ACE: variants seen among roughly 807,000 people sequenced by gnomAD.
ACE encodes the protein angiotensin I converting enzyme.
In ACE, 122 loss-of-function variants were observed where a neutral mutation model predicts 162.3. The ratio of observed to expected loss-of-function variants is 0.75; its 90% CI spans 0.65 to 0.87. ACE has a LOEUF of 0.87. Among genes scored for constraint, ACE ranks in the 40% least tolerant of loss-of-function variants. ACE has a pLI of 0.00. For synonymous variants in ACE, 796 were observed against 720.6 expected (o/e 1.10, Z -1.68); for missense variants, 1,799 against 1,735.1 (o/e 1.04, Z -0.65).
chr17:63,485,480 A>ATTTATTTTTTTTTTTTTTTTTTTTTTTTT (rs753128404), intron 13 of ACE, 108 bp downstream of exon 13: 1 of 1,508,588 alleles, frequency 6.6e-7, no homozygotes, highest in Admixed American at 1.8e-5. Context: ...TTGAATATTT[A>ATTTATTTTTTTTTTTTTTTTTTTTTTTTT]AAACAATACT....
intron 12 of ACE, 105 bp from the exon 13 acceptor site, chr17:63,485,131 G>GC (rs1385502510): frequency 6.3e-7 from 1 of 1,582,590 alleles, no homozygotes; most frequent in East Asian, 2.3e-5. Context: ...GTAGGGACAG[G>GC]GCAGGGTACA....
At chr17:63,481,332 G>C in intron 6 of ACE, 144 bp downstream of exon 6, 1 of 924,192 alleles carries the variant, frequency 1.1e-6, no homozygotes, top group Non-Finnish European at 1.7e-6. Context: ...GCTGGGGTCG[G>C]CCCCCTCAGT....
chr17:63,497,057 C>T (rs2030796759), intron 24 of ACE, 72 bp downstream of exon 24: 1 of 1,586,596 alleles, frequency 6.3e-7, no homozygotes, highest in African/African-American at 1.3e-5. Context: ...ATGCGGCTGA[C>T]CTCGGAGCCT....
At position 63,497,032 on chromosome 17, in the gene ACE, C is replaced by T. The variant is rs199903972; in HGVS notation, c.3691+47C>T. ...CCAGCCTTGGGTCTTAACCCCCTCC[C>T]CAGGCTGGGCAGCCATGCGGCTGAC... On this transcript the variant is annotated intron_variant, in intron 24 of 24. Coordinates refer to ENST00000290866, the MANE Select transcript of ACE (RefSeq NM_000789.4). 3 of 1,592,668 alleles carry T rather than the reference C, an allele frequency of 1.9e-6. No individual in the cohort carries two copies. In the Admixed American group the frequency reaches 5.2e-5, roughly 28 times the overall value.
Position 63,486,702 on chromosome 17 carries a change from A to G in ACE, c.2204A>G (p.Gln735Arg). 1.2e-6 allele frequency: 2 copies of G among 1,614,202 alleles called. No homozygotes were observed. The highest frequency in any genetic ancestry group is 1.7e-6 in the Non-Finnish European group (2 of 1,180,024). Residue 735 changes from glutamine to arginine, a missense_variant, in exon 14 of 25, where the codon CAG becomes CGG. Gln to Arg is a conservative substitution (Grantham distance 43). Transcript: ENST00000290866. ...QDLERAALPA[Q>R]ELEEYNKILL... ...CTAGAACGGGCAGCACTGCCTGCCCAGGAGCTGGAGGAGGTGTGTGGCTCG... is the reference window on the plus strand; with the variant it reads ...CTAGAACGGGCAGCACTGCCTGCCCGGGAGCTGGAGGAGGTGTGTGGCTCG...
Position 63,491,022 on chromosome 17 carries a change from A to G in ACE, c.2710A>G (p.Met904Val). 1 of 1,614,144 alleles carries G rather than the reference A, an allele frequency of 6.2e-7. No individual in the cohort carries two copies. The highest frequency in any genetic ancestry group is 8.5e-7 in the Non-Finnish European group (1 of 1,180,026). ...LVVPFPSAPS[M>V]DTTEAMLKQG... ...GGTGCCCTTCCCTTCAGCCCCCTCG[A>G]TGGACACCACAGAGGCTATGCTAAA... Residue 904 changes from methionine to valine, a missense_variant, in exon 18 of 25, where the codon ATG becomes GTG. By Grantham distance (21) the Met-to-Val change is conservative (BLOSUM62 1). Transcript: ENST00000290866. The surrounding 1 kb of genome is among the most constrained non-coding windows in gnomAD (Gnocchi z 4.4).
At chr17:63,477,377 G>A (rs1432474264) in intron 1 of ACE, 34 bp downstream of exon 1, 16 of 1,213,472 alleles carry the variant, frequency 1.3e-5, no homozygotes, top group Admixed American at 4.4e-5. Context: ...GGCGGGGCGG[G>A]GCCGCGGCGG....
chr17:63,497,841 G>T lies in ACE; in HGVS notation c.*475G>T. The stretch of plus-strand genomic sequence containing the variant: ...TGTCCTGCCACCGCAGGCAGCCCCT[G>T]TCTGGCCCAAGCACTGACCCACGCG... On this transcript the variant is annotated 3_prime_UTR_variant, in exon 25 of 25. Coordinates refer to ENST00000290866, the MANE Select transcript of ACE (RefSeq NM_000789.4). 1 of 339,620 alleles carries T rather than the reference G, an allele frequency of 2.9e-6. No homozygotes were observed. The highest frequency in any genetic ancestry group is 5.7e-6 in the Non-Finnish European group (1 of 174,766). The allele number at this position is 339,620 out of a possible 1,614,324, so 21.0% of individuals were successfully genotyped here.
chr17:63,478,919 C>G, intron 2 of ACE, 88 bp from the exon 3 acceptor site: 1 of 1,155,232 alleles, frequency 8.7e-7, no homozygotes, highest in Non-Finnish European at 1.3e-6. Context: ...GCTACATCCA[C>G]TCTGTGGGCT....
chr17:63,487,066 C>T lies in ACE; in HGVS notation c.2298C>T (p.Leu766=), dbSNP rs373339041. 9.3e-6 allele frequency: 15 copies of T among 1,613,246 alleles called. No homozygotes were observed. Among genetic ancestry groups the T allele is most frequent in the East Asian group, 4.5e-5 (2 of 44,892 alleles). ...ACCCGAATGGCAGCTGCCTGCAGCT[C>T]GAGCCAGGTGAGAGCTCATGTGCAG... ...VCHPNGSCLQ[L]EPDLTNVMAT... The change falls in exon 15 of 25, where the codon CTC becomes CTT. Residue 766 remains leucine, a synonymous_variant. Coordinates refer to ENST00000290866, the MANE Select transcript of ACE (RefSeq NM_000789.4).
rs1401450584 is a variant in ACE, at chr17:63,486,997, C to G, written c.2229C>G (p.Ile743Met). 1 of 1,613,722 alleles carries G rather than the reference C, an allele frequency of 6.2e-7. No homozygotes were observed. ...CCTTCCTCCTGCAGTACAACAAGATCCTGTTGGATATGGAAACCACCTACA... is the reference window on the plus strand; with the variant it reads ...CCTTCCTCCTGCAGTACAACAAGATGCTGTTGGATATGGAAACCACCTACA... ...PAQELEEYNK[I>M]LLDMETTYSV... Residue 743 changes from isoleucine to methionine, a missense_variant, in exon 15 of 25, where the codon ATC becomes ATG. Transcript: ENST00000290866.
intron 13 of ACE, chr17:63,486,287 C>T (rs568063588): frequency 5.4e-5 from 29 of 535,568 alleles, no homozygotes; most frequent in Non-Finnish European, 9.1e-5. Context: ...TGGCTCCTTC[C>T]TAAGGGCCTT....
At chr17:63,497,038 TG>T in intron 24 of ACE, 53 bp downstream of exon 24, 1 of 1,581,506 alleles carries the variant, frequency 6.3e-7, no homozygotes, top group Non-Finnish European at 8.6e-7. Flanking sequence ...CTCCCCAGGC[TG>T]GGCAGCCATG....
rs756996354 is a variant in ACE, at chr17:63,479,848, C to G, written c.591C>G (p.Gly197=). The G allele has an allele frequency of 1.2e-6, 2 of 1,613,126 alleles. No individual in the cohort carries two copies. Among genetic ancestry groups the G allele is most frequent in the South Asian group, 2.2e-5 (2 of 91,088 alleles). The part of the protein sequence containing the change: ...FAWEGWHNAA[G]IPLKPLYEDF... ...GGGAGGGCTGGCACAACGCTGCGGG[C>G]ATCCCGCTGAAACCGCTGTACGAGG... is the stretch of plus-strand genomic sequence containing the variant. Residue 197 remains glycine (G), a synonymous_variant, in exon 4 of 25, where the codon GGC becomes GGG. Transcript: ENST00000290866.
At chr17:63,485,591 C>T in intron 13 of ACE, 2 of 592,898 alleles carry the variant, frequency 3.4e-6, no homozygotes, top group Non-Finnish European at 6.1e-6. Flanking sequence ...TCCTGGCTAA[C>T]ACGGTGAAAC....
Position 63,478,111 on chromosome 17 carries a change from C to T in ACE, c.417+13C>T, listed in dbSNP as rs3729660. Reference sequence around the variant, plus strand: ...TAAGCGGCAGCAGGTGGGCTGAGGGCTGAGGCAGAGCTCGGGGGCGGCCTC... The same window carrying T: ...TAAGCGGCAGCAGGTGGGCTGAGGGTTGAGGCAGAGCTCGGGGGCGGCCTC... On this transcript the variant is annotated intron_variant, in intron 2 of 24. Transcript: ENST00000290866. The T allele has an allele frequency of 1.8e-4, 276 of 1,570,574 alleles. No homozygotes were observed. In the African/African-American group the frequency reaches 3.0e-3, roughly 17 times the overall value.
intron 7 of ACE, among the ~76,000 whole-genome samples, chr17:63,482,100 C>T (rs1171849409): frequency 2.6e-5 from 4 of 152,042 alleles, no homozygotes; most frequent in Admixed American, 6.5e-5. Context: ...AGTTCGAGAC[C>T]AGCCTGGCCA....
At chr17:63,480,950 G>A in intron 5 of ACE, 141 bp from the exon 6 acceptor site, 1 of 788,102 alleles carries the variant, frequency 1.3e-6, no homozygotes, top group Non-Finnish European at 2.2e-6. Flanking sequence ...TGATGTGTGA[G>A]ATTTCTGGCC....
intron 12 of ACE, 177 bp from the exon 13 acceptor site, chr17:63,485,059 G>A: frequency 6.2e-7 from 1 of 1,607,892 alleles, no homozygotes; most frequent in Non-Finnish European, 8.5e-7. Flanking sequence ...CATCAGCCCA[G>A]AGCCCAAGTG....
Sources: gnomAD v4.1 joint callset for allele counts (sites outside exome capture counted in the v4.1 genomes callset) on GRCh38, gnomAD v4.1.1 for gene constraint, Gnocchi (gnomAD v3.1) non-coding constraint, MANE v1.5 for transcripts, NCBI Gene and HGNC (gene_info 2026-07-23, HGNC 2026-07-21) for gene names.